CRTC1: variants seen among roughly 807,000 people sequenced by gnomAD.
CRTC1 encodes CREB regulated transcription coactivator 1.
In CRTC1, 18 loss-of-function variants were observed where a neutral mutation model predicts 66.1. That is an observed-to-expected ratio of 0.27 (90% CI 0.19 to 0.40). CRTC1 has a LOEUF of 0.40. CRTC1 is among the 10% of genes least tolerant of loss of function. CRTC1 has a pLI of 1.00. For synonymous variants in CRTC1, 416 were observed against 398.8 expected, an observed-to-expected ratio of 1.04 and a Z score of -0.51; for missense variants, 669 against 887.9, an observed-to-expected ratio of 0.75 and a Z score of 3.13.
At chr19:18,758,100 T>A (rs551222016) in intron 6 of CRTC1, among the ~76,000 whole-genome samples, 1 of 150,816 alleles carries the variant, frequency 6.6e-6, no homozygotes, top group South Asian at 2.1e-4. Context: ...CCGTGGCTCA[T>A]GCCTGTAATC....
intron 2 of CRTC1, among the ~76,000 whole-genome samples, chr19:18,743,520 G>C (rs2054157985): frequency 1.3e-5 from 2 of 152,218 alleles, no homozygotes; most frequent in African/African-American, 2.4e-5. Flanking sequence ...CCTCTTCCCT[G>C]TCCCTGGTCT....
At chr19:18,696,999 G>T (rs2053005353) in intron 1 of CRTC1, among the ~76,000 whole-genome samples, 1 of 152,058 alleles carries the variant, frequency 6.6e-6, no homozygotes, top group South Asian at 2.1e-4. Context: ...TTTATTTCTG[G>T]TTGGGGTATG....
rs1749758705 is a variant in CRTC1 at position 18,775,709 on chromosome 19, C to T, written c.1581C>T (p.Leu527=). The T allele has an allele frequency of 1.9e-6, 3 of 1,612,634 alleles. No homozygotes were observed. In the African/African-American group the frequency reaches 4.0e-5, roughly 22 times the overall value. ...SSSLYSPGST[L]NYSQAAMMGL... is the part of the protein sequence containing the mutation. The stretch of plus-strand genomic sequence containing the variant: ...GCCTGTACAGCCCGGGCTCCACACT[C>T]AACTACTCGCAGGCGGCCATGATGG... The change falls in exon 13 of 14, where the codon CTC becomes CTT. Residue 527 remains leucine (L), a synonymous_variant. Coordinates refer to ENST00000321949, the MANE Select transcript of CRTC1 (RefSeq NM_015321.3).
chr19:18,766,296 T>TA (rs199830278), intron 9 of CRTC1, among the ~76,000 whole-genome samples: 13 of 148,350 alleles, frequency 8.8e-5, no homozygotes, highest in African/African-American at 3.3e-4. Flanking sequence ...AATTTTTTTT[T>TA]TTTTTTTTTT....
chr19:18,697,126 T>C (rs1052666284), intron 1 of CRTC1, among the ~76,000 whole-genome samples: 1 of 151,948 alleles, frequency 6.6e-6, no homozygotes, highest in Non-Finnish European at 1.5e-5. Context: ...AATAAGGAAG[T>C]GCCGCGTGCC....
intron 1 of CRTC1, among the ~76,000 whole-genome samples, chr19:18,695,226 C>T (rs745588104): frequency 1.3e-5 from 2 of 151,870 alleles, no homozygotes; most frequent in African/African-American, 4.8e-5. Context: ...AGGCCGGTCT[C>T]GAACTCCTGG....
intron 1 of CRTC1, among the ~76,000 whole-genome samples, chr19:18,698,708 G>C (rs1010469147): frequency 4.6e-5 from 7 of 152,148 alleles, no homozygotes; most frequent in African/African-American, 1.7e-4. Flanking sequence ...TGCTCAGCAA[G>C]TGCAGTGTGT....
In CRTC1 at chr19:18,727,100, A is replaced by G. The variant is rs532962677; in HGVS notation, c.127-15810A>G. On this transcript the variant is annotated intron_variant, in intron 1 of 13. Coordinates refer to ENST00000321949, the MANE Select transcript of CRTC1 (RefSeq NM_015321.3). ...CATCTCAGCAAAAAATTAGAAAATA[A>G]TTGGCCAGGCTTGGTGGTGTGCTCC... Among the ~76,000 whole-genome samples, 10 of 152,114 alleles carry G rather than the reference A, an allele frequency of 6.6e-5. No homozygotes were observed. The South Asian group carries it at 2.1e-3, about 32-fold the overall frequency.
chr19:18,732,357 C>T (rs1397561936), intron 1 of CRTC1, among the ~76,000 whole-genome samples: 2 of 151,914 alleles, frequency 1.3e-5, no homozygotes, highest in Admixed American at 6.6e-5. Context: ...AGAGGCCATT[C>T]GAGGACTCAG....
chr19:18,720,661 C>G (rs749421009), intron 1 of CRTC1, among the ~76,000 whole-genome samples: 3 of 152,054 alleles, frequency 2.0e-5, no homozygotes. Context: ...CCACCACGCC[C>G]GGCCTAACTT....
chr19:18,737,293 G>A (rs1016938906), intron 1 of CRTC1, among the ~76,000 whole-genome samples: 2 of 151,932 alleles, frequency 1.3e-5, no homozygotes, highest in Non-Finnish European at 1.5e-5. Flanking sequence ...GGGTCCCGGC[G>A]CAGGCTGTAT....
intron 1 of CRTC1, among the ~76,000 whole-genome samples, chr19:18,693,479 G>GTTT (rs1294890403): frequency 4.6e-5 from 6 of 129,706 alleles, no homozygotes; most frequent in Admixed American, 7.7e-5. Flanking sequence ...TAACTCTTTT[G>GTTT]TTTTTGTTTT....
At chr19:18,692,336 C>T (rs1371078004) in intron 1 of CRTC1, among the ~76,000 whole-genome samples, 2 of 152,202 alleles carry the variant, frequency 1.3e-5, no homozygotes, top group Non-Finnish European at 2.9e-5. Flanking sequence ...GCCCGGGGTT[C>T]CTTGCCACTG....
chr19:18,760,068 A>T lies in CRTC1; in HGVS notation c.726A>T (p.Thr242=). 1.2e-6 allele frequency: 2 copies of T among 1,613,130 alleles called. No individual in the cohort carries two copies. The highest frequency in any genetic ancestry group is 1.7e-6 in the Non-Finnish European group (2 of 1,179,518). ...TTALIPATHN[T]GGSLPDLTNI... is the part of the protein sequence containing the mutation. ...CCCTGATCCCCGCCACCCACAACAC[A>T]GGGGGGTCCCTGCCCGACCTGACCA... Residue 242 remains threonine (T), a synonymous_variant, in exon 8 of 14, where the codon ACA becomes ACT. Coordinates refer to ENST00000321949, the MANE Select transcript of CRTC1 (RefSeq NM_015321.3). This position sits in a 1 kb window ranked among gnomAD's most constrained non-coding sequence, Gnocchi z 6.2.
At chr19:18,691,113 G>A (rs1195542907) in intron 1 of CRTC1, among the ~76,000 whole-genome samples, 1 of 150,850 alleles carries the variant, frequency 6.6e-6, no homozygotes, top group Non-Finnish European at 1.5e-5. Context: ...GAGGCAGGAG[G>A]ATTGTTTGAG....
chr19:18,750,116 C>T (rs1019100160), intron 5 of CRTC1, among the ~76,000 whole-genome samples: 1 of 152,226 alleles, frequency 6.6e-6, no homozygotes, highest in African/African-American at 2.4e-5. Flanking sequence ...CACGTTGGCT[C>T]CCATTCCTGG....
rs2055101578 is a variant in CRTC1, at chr19:18,781,445, G to A, written c.*4063G>A. On this transcript the variant is annotated 3_prime_UTR_variant, in exon 14 of 14. Coordinates refer to ENST00000321949, the MANE Select transcript of CRTC1 (RefSeq NM_015321.3). The stretch of plus-strand genomic sequence containing the variant: ...CAGCTCCACCTGAGCCAAGTGTCCT[G>A]TTCCCTGCGGCCCTTGGCCTTCCAG... 4.3e-6 allele frequency: 1 copy of A among 230,468 alleles called. No homozygotes were observed. The highest frequency in any genetic ancestry group is 1.8e-4 in the South Asian group (1 of 5,494). 14.3% of individuals were successfully genotyped at this position (230,468 alleles called of 1,614,324 possible).
intron 10 of CRTC1, among the ~76,000 whole-genome samples, chr19:18,769,225 G>A (rs947108877): frequency 1.3e-5 from 2 of 152,230 alleles, no homozygotes; most frequent in Non-Finnish European, 2.9e-5. Context: ...AGCCCGTTGG[G>A]CACAGCGCCT....
chr19:18,683,991 GC>G (rs1346813854), intron 1 of CRTC1, among the ~76,000 whole-genome samples, 163 bp downstream of exon 1: 2 of 149,474 alleles, frequency 1.3e-5, no homozygotes, highest in African/African-American at 2.5e-5. Context: ...GTGTCCCCAC[GC>G]CCCGGGCGTC....
Sources: gnomAD v4.1 joint callset for allele counts (sites outside exome capture counted in the v4.1 genomes callset) on GRCh38, gnomAD v4.1.1 for gene constraint, Gnocchi (gnomAD v3.1) non-coding constraint, MANE v1.5 for transcripts, NCBI Gene and HGNC (gene_info 2026-07-23, HGNC 2026-07-21) for gene names.